AP5M1: variants seen among roughly 807,000 people sequenced by gnomAD.
AP5M1 encodes adaptor related protein complex 5 subunit mu 1, also known as AP-5 complex subunit mu-1.
Under a neutral mutation model 52.3 loss-of-function variants are expected in AP5M1, and 44 were observed. The ratio of observed to expected loss-of-function variants is 0.84; its 90% CI spans 0.66 to 1.08. The LOEUF is 1.08. AP5M1 is among the 50% of genes least tolerant of loss of function. The pLI is 0.00. For missense variants in AP5M1, 526 were observed against 568.4 expected (o/e 0.93, Z 0.76); for synonymous variants, 213 against 199.0 (o/e 1.07, Z -0.59).
At chr14:57,275,396 A>AG (rs1885003042) in intron 2 of AP5M1, 3 of 61,144 alleles carry the variant, frequency 4.9e-5, no homozygotes, top group African/African-American at 1.3e-4. Context: ...ATGATGAGAG[A>AG]GGGGTGGGGG....
intron 1 of AP5M1, among the ~76,000 whole-genome samples, chr14:57,270,488 A>G (rs936086844): frequency 6.6e-6 from 1 of 152,230 alleles, no homozygotes; most frequent in African/African-American, 2.4e-5. Flanking sequence ...TTGGTTGGCA[A>G]TGGGGATATG....
In AP5M1 at chr14:57,297,906, T is replaced by C. The variant is rs1429337107; in HGVS notation, c.*9022T>C. ...ATTTTGCAAACAGTGGTTCAGTCTG[T>C]ATTGGGCACAGGTGAATTCTGCCCT... is the stretch of plus-strand genomic sequence containing the variant. On this transcript the variant is annotated 3_prime_UTR_variant, in exon 8 of 8. Transcript: ENST00000261558. The C allele has an allele frequency of 6.6e-6, 1 of 152,142 alleles. No homozygotes were observed. Among genetic ancestry groups the C allele is most frequent in the African/African-American group, 2.4e-5 (1 of 41,436 alleles). The allele number at this position is 152,142 out of a possible 1,614,324, so 9.4% of individuals were successfully genotyped here.
rs2139686102 is a variant in AP5M1, at chr14:57,274,807, T to C, written c.638T>C (p.Ile213Thr). Residue 213 changes from isoleucine (I) to threonine (T), a missense_variant, in exon 2 of 8, where the codon ATC (isoleucine) becomes ACC (threonine). Physicochemically the swap from Ile to Thr is moderately conservative, Grantham distance 89. Transcript: ENST00000261558. ...GGAAAACCACAAGTTTCTATTTCTA[T>C]CACTGAAAAGGTAAAATCCATGCAA... ...YKGKPQVSIS[I>T]TEKVKSMQYD... 6.2e-7 allele frequency: 1 copy of C among 1,614,174 alleles called. No homozygotes were observed. Among genetic ancestry groups the C allele is most frequent in the East Asian group, 2.2e-5 (1 of 44,876 alleles).
chr14:57,269,804 T>C (rs1884833791), intron 1 of AP5M1, among the ~76,000 whole-genome samples: 1 of 152,226 alleles, frequency 6.6e-6, no homozygotes, highest in Admixed American at 6.5e-5. Flanking sequence ...ATCAGACTTT[T>C]ATTTTTTTGT....
intron 1 of AP5M1, among the ~76,000 whole-genome samples, chr14:57,270,404 A>G (rs1884858965): frequency 6.6e-6 from 1 of 152,188 alleles, no homozygotes; most frequent in Non-Finnish European, 1.5e-5. Flanking sequence ...CCCTGAAGAA[A>G]GCTTATAGTG....
intron 1 of AP5M1, among the ~76,000 whole-genome samples, chr14:57,273,174 A>G (rs1329989528): frequency 6.6e-6 from 1 of 152,124 alleles, no homozygotes; most frequent in Non-Finnish European, 1.5e-5. Flanking sequence ...TCCTGCCCTC[A>G]AGTGATCTGC....
In AP5M1 at chr14:57,280,257, T is replaced by G. The variant is rs1322764201; in HGVS notation, c.783T>G (p.Ser261=). 1.2e-6 allele frequency: 2 copies of G among 1,614,130 alleles called. No homozygotes were observed. Among genetic ancestry groups the G allele is most frequent in the South Asian group, 2.2e-5 (2 of 91,086 alleles). ...TISLSLPTNG[S]PLQDILVHPC... is the part of the protein sequence containing the mutation. ...GCTTGAGTCTCCCCACCAATGGATC[T>G]CCACTTCAGGATATTCTAGTTCACC... Residue 261 remains serine, a synonymous_variant, in exon 3 of 8, where the codon TCT becomes TCG. Transcript: ENST00000261558.
At chr14:57,281,363 A>ATTTCT (rs1885170403) in intron 3 of AP5M1, among the ~76,000 whole-genome samples, 1 of 152,232 alleles carries the variant, frequency 6.6e-6, no homozygotes, top group Non-Finnish European at 1.5e-5. Flanking sequence ...TAGGTTAGAA[A>ATTTCT]AACCTACTCA....
chr14:57,288,526 G>C (rs896940572), intron 7 of AP5M1, among the ~76,000 whole-genome samples: 1 of 151,950 alleles, frequency 6.6e-6, no homozygotes, highest in Non-Finnish European at 1.5e-5. Flanking sequence ...ATACGAAAAA[G>C]ATTTTAGAGA....
rs200729102 is a variant in AP5M1, at chr14:57,285,539, G to GA, written c.1294-673dup. 3.1e-4 allele frequency among the ~76,000 whole-genome samples: 45 copies of GA among 145,292 alleles called. 1 individual carries two copies. In the South Asian group the frequency reaches 6.3e-3, roughly 20 times the overall value. ...TCAGAGATAATTTGGGTTGCAAAAG[G>GA]AAAAAAAAAAATTGCTGAGAAGATC... On this transcript the variant is annotated intron_variant, in intron 6 of 7. Transcript: ENST00000261558.
rs1411070522 is a variant in AP5M1, at chr14:57,297,587, T to C, written c.*8703T>C. 1 of 152,088 alleles carries C rather than the reference T, an allele frequency of 6.6e-6. No homozygotes were observed. Among genetic ancestry groups the C allele is most frequent in the African/African-American group, 2.4e-5 (1 of 41,420 alleles). The allele number at this position is 152,088 out of a possible 1,614,324, so 9.4% of individuals were successfully genotyped here. ...TATTTTGAATGTATGTGTGTGTGTGTGCATGTGTGGAAAACAAGAAAAATA... is the reference window on the plus strand; with the variant it reads ...TATTTTGAATGTATGTGTGTGTGTGCGCATGTGTGGAAAACAAGAAAAATA... On this transcript the variant is annotated 3_prime_UTR_variant, in exon 8 of 8. Transcript: ENST00000261558.
chr14:57,280,792 G>A (rs1230849981), intron 3 of AP5M1, among the ~76,000 whole-genome samples: 2 of 151,760 alleles, frequency 1.3e-5, no homozygotes, highest in African/African-American at 4.8e-5. Flanking sequence ...CGGAGGTTGC[G>A]GTGAGCCAAG....
At position 57,274,239 on chromosome 14, in the gene AP5M1, T is replaced by C. The variant is rs1340184291; in HGVS notation, c.75-5T>C. ...ATTTATAATGTTTCTGTTTCCGTAA[T>C]GCAGACGGTATCCAACTGTTGAAAA... On this transcript the variant is annotated splice_polypyrimidine_tract_variant and splice_region_variant and intron_variant, in intron 1 of 7. Transcript: ENST00000261558. The C allele has an allele frequency of 1.0e-5, 16 of 1,585,862 alleles. No individual in the cohort carries two copies. Among genetic ancestry groups the C allele is most frequent in the Non-Finnish European group, 1.4e-5 (16 of 1,167,224 alleles).
chr14:57,285,678 A>G (rs1046569952), intron 6 of AP5M1, among the ~76,000 whole-genome samples: 1 of 152,156 alleles, frequency 6.6e-6, no homozygotes, highest in Non-Finnish European at 1.5e-5. Context: ...AGATAAACTG[A>G]TGTTTCTGTT....
At position 57,293,660 on chromosome 14, in the gene AP5M1, G is replaced by A. The variant is rs1885488909; in HGVS notation, c.*4776G>A. On this transcript the variant is annotated 3_prime_UTR_variant, in exon 8 of 8. Coordinates refer to ENST00000261558, the MANE Select transcript of AP5M1 (RefSeq NM_018229.4). Reference sequence around the variant, plus strand: ...GTTTTTAATCATTACACTCCGTGCAGTCATATTTAATCAATAAAACAGGAT... The same window carrying A: ...GTTTTTAATCATTACACTCCGTGCAATCATATTTAATCAATAAAACAGGAT... 6.6e-6 allele frequency: 1 copy of A among 151,608 alleles called. No homozygotes were observed. The allele number at this position is 151,608 out of a possible 1,614,324, so 9.4% of individuals were successfully genotyped here.
chr14:57,270,339 T>C (rs1884857324), intron 1 of AP5M1, among the ~76,000 whole-genome samples: 1 of 152,234 alleles, frequency 6.6e-6, no homozygotes, highest in African/African-American at 2.4e-5. Flanking sequence ...AGTGGGTCTA[T>C]TTCACCTTTT....
At chr14:57,279,088 G>A (rs1013804665) in intron 2 of AP5M1, among the ~76,000 whole-genome samples, 1 of 152,216 alleles carries the variant, frequency 6.6e-6, no homozygotes, top group African/African-American at 2.4e-5. Context: ...TGGTGAGGAT[G>A]TAAATTAGTT....
intron 7 of AP5M1, among the ~76,000 whole-genome samples, chr14:57,287,527 ATAAT>A (rs1302572557): frequency 1.3e-5 from 2 of 152,092 alleles, no homozygotes; most frequent in East Asian, 3.8e-4. Context: ...CTATGGGAAA[ATAAT>A]TTATTTATGT....
Position 57,296,217 on chromosome 14 carries a change from A to G in AP5M1, c.*7333A>G, listed in dbSNP as rs1430346632. On this transcript the variant is annotated 3_prime_UTR_variant, in exon 8 of 8. Coordinates refer to ENST00000261558, the MANE Select transcript of AP5M1 (RefSeq NM_018229.4). The stretch of plus-strand genomic sequence containing the variant: ...TGGTCTCTTAGTGTTACTGAATACA[A>G]GTTTAGTATTCTGTAATCCCTTATG... 2.6e-5 allele frequency: 4 copies of G among 152,038 alleles called. No homozygotes were observed. The highest frequency in any genetic ancestry group is 9.7e-5 in the African/African-American group (4 of 41,440). The allele number at this position is 152,038 out of a possible 1,614,324, so 9.4% of individuals were successfully genotyped here.
Sources: allele counts gnomAD v4.1 joint callset (sites outside exome capture counted in the v4.1 genomes callset), GRCh38; gene constraint gnomAD v4.1.1; transcripts MANE v1.5; gene names NCBI Gene and HGNC (gene_info 2026-07-23, HGNC 2026-07-21).